The following CLCN3 variants were observed in gnomAD, a reference collection of about 807,000 sequenced individuals.
The protein encoded by CLCN3 is H(+)/Cl(-) exchange transporter 3.
A neutral mutation model predicts 83.4 loss-of-function variants in CLCN3; 16 were observed. The ratio of observed to expected loss-of-function variants is 0.19; its 90% CI spans 0.13 to 0.29. The LOEUF is 0.29. Among genes scored for constraint, CLCN3 ranks in the 10% least tolerant of loss-of-function variants. CLCN3 has a pLI of 1.00. For synonymous variants in CLCN3, 322 were observed against 346.2 expected (o/e 0.93, Z 0.78); for missense variants, 544 against 1,006.0 (o/e 0.54, Z 6.21).
chr4:169,625,270 A>G (rs1025453526), intron 1 of CLCN3, among the ~76,000 whole-genome samples: 1 of 151,986 alleles, frequency 6.6e-6, no homozygotes, highest in East Asian at 1.9e-4. Flanking sequence ...TCTTTCACCC[A>G]GTTTATATCC....
At chr4:169,644,055 C>G (rs1430499317) in intron 2 of CLCN3, among the ~76,000 whole-genome samples, 1 of 152,128 alleles carries the variant, frequency 6.6e-6, no homozygotes, top group African/African-American at 2.4e-5. Flanking sequence ...AAGTGCTTTT[C>G]CTCAGGACGG....
At chr4:169,636,716 A>C (rs1326751567) in intron 2 of CLCN3, among the ~76,000 whole-genome samples, 1 of 138,484 alleles carries the variant, frequency 7.2e-6, no homozygotes, top group African/African-American at 2.7e-5. Flanking sequence ...GTTATTCTAC[A>C]CTGATATTTC....
intron 1 of CLCN3, among the ~76,000 whole-genome samples, chr4:169,625,640 A>T (rs1773215696): frequency 6.6e-6 from 1 of 152,222 alleles, no homozygotes; most frequent in Non-Finnish European, 1.5e-5. Context: ...TGTGAGTTGC[A>T]GGAGACTGAA....
Position 169,692,325 on chromosome 4 carries a change from G to A in CLCN3, c.936+5G>A. ...AACGAAGCTAAAAAAAGGGAGGTAA[G>A]TGTCTTTTGTAGTTAATTTGACTGA... is the stretch of plus-strand genomic sequence containing the variant. On this transcript the variant is annotated splice_donor_5th_base_variant and intron_variant, in intron 7 of 12. Coordinates refer to ENST00000513761, the MANE Select transcript of CLCN3 (RefSeq NM_001829.4). 6.5e-7 allele frequency: 1 copy of A among 1,537,580 alleles called. No individual in the cohort carries two copies. The highest frequency in any genetic ancestry group is 9.0e-7 in the Non-Finnish European group (1 of 1,114,670).
At chr4:169,673,637 A>T (rs532209015) in intron 2 of CLCN3, among the ~76,000 whole-genome samples, 10 of 152,246 alleles carry the variant, frequency 6.6e-5, no homozygotes, top group African/African-American at 2.4e-4. Flanking sequence ...GAGAAGGGCA[A>T]TGTAGGAGGG....
intron 2 of CLCN3, among the ~76,000 whole-genome samples, chr4:169,658,223 A>T (rs1730942519): frequency 6.7e-6 from 1 of 148,720 alleles, no homozygotes; most frequent in Non-Finnish European, 1.5e-5. Context: ...ATTCTATACA[A>T]ATATAATTAT....
chr4:169,627,821 G>A (rs2150196939), intron 1 of CLCN3, among the ~76,000 whole-genome samples: 1 of 152,140 alleles, frequency 6.6e-6, no homozygotes, highest in East Asian at 1.9e-4. Flanking sequence ...ATATGGACAA[G>A]ATTATTCTAA....
Position 169,680,183 on chromosome 4 carries a change from T to C in CLCN3, c.294T>C (p.Cys98=). The change falls in exon 3 of 13, where the codon TGT becomes TGC. Residue 98 remains cysteine, a synonymous_variant. Coordinates refer to ENST00000513761, the MANE Select transcript of CLCN3 (RefSeq NM_001829.4). The part of the protein sequence containing the change: ...FHTIDWVREK[C]KDRERHRRIN... ...CTATTGATTGGGTGCGAGAAAAATG[T>C]AAAGACAGAGAAAGGCATAGACGGG... 6.2e-7 allele frequency: 1 copy of C among 1,613,910 alleles called. No individual in the cohort carries two copies. The highest frequency in any genetic ancestry group is 8.5e-7 in the Non-Finnish European group (1 of 1,179,856).
At chr4:169,709,720 T>A (rs927955852) in intron 11 of CLCN3, among the ~76,000 whole-genome samples, 1 of 151,886 alleles carries the variant, frequency 6.6e-6, no homozygotes. Flanking sequence ...ATGAAAACTG[T>A]AATGTTGTTC....
chr4:169,644,269 CTT>C (rs56979682), intron 2 of CLCN3, among the ~76,000 whole-genome samples: 9 of 135,928 alleles, frequency 6.6e-5, no homozygotes, highest in East Asian at 2.1e-4. Flanking sequence ...TTTTTTTTTT[CTT>C]TTTTTTTTTT....
At chr4:169,621,235 G>A (rs1290518005) in intron 1 of CLCN3, among the ~76,000 whole-genome samples, 172 bp downstream of exon 1, 1 of 152,176 alleles carries the variant, frequency 6.6e-6, no homozygotes, top group African/African-American at 2.4e-5. Context: ...TATACCCTCA[G>A]ACATTCTTTA....
intron 2 of CLCN3, among the ~76,000 whole-genome samples, chr4:169,672,862 A>C (rs1731530505): frequency 6.6e-6 from 1 of 151,852 alleles, no homozygotes; most frequent in Admixed American, 6.5e-5. Flanking sequence ...ACAGGGTTTC[A>C]CCATCTTGGC....
chr4:169,623,140 C>T (rs1773148189), intron 1 of CLCN3, among the ~76,000 whole-genome samples: 1 of 152,154 alleles, frequency 6.6e-6, no homozygotes, highest in Non-Finnish European at 1.5e-5. Context: ...ATATTTCTTG[C>T]TATTTCTTGT....
chr4:169,700,414 C>T (rs1386125581), intron 9 of CLCN3, among the ~76,000 whole-genome samples: 1 of 152,064 alleles, frequency 6.6e-6, no homozygotes, highest in Non-Finnish European at 1.5e-5. Flanking sequence ...TGGGCCATCA[C>T]ACCCGGCTAA....
At chr4:169,668,339 A>AC (rs1199022658) in intron 2 of CLCN3, among the ~76,000 whole-genome samples, 1 of 151,962 alleles carries the variant, frequency 6.6e-6, no homozygotes, top group African/African-American at 2.4e-5. Flanking sequence ...AATTTTAAAT[A>AC]CCCAAATATT....
intron 9 of CLCN3, among the ~76,000 whole-genome samples, chr4:169,700,694 G>T (rs1732752185): frequency 6.6e-6 from 1 of 152,000 alleles, no homozygotes. Flanking sequence ...GAGAGATATA[G>T]GTTCAGTTCA....
intron 12 of CLCN3, among the ~76,000 whole-genome samples, chr4:169,714,850 G>A (rs1330695656): frequency 6.6e-6 from 1 of 152,074 alleles, no homozygotes; most frequent in Non-Finnish European, 1.5e-5. Flanking sequence ...GAGAAGAGAT[G>A]TATTCATAAG....
Position 169,707,139 on chromosome 4 carries a change from T to C in CLCN3, c.2022T>C (p.Asn674=), listed in dbSNP as rs1733026007. ...DPPLAVLTQD[N]MTVDDIENMI... is the part of the protein sequence containing the mutation. ...CCTTAGCTGTCCTGACACAGGACAATATGACAGTGGATGATATAGAAAACA... is the reference window on the plus strand; with the variant it reads ...CCTTAGCTGTCCTGACACAGGACAACATGACAGTGGATGATATAGAAAACA... Residue 674 remains asparagine (N), a synonymous_variant, in exon 11 of 13, where the codon AAT becomes AAC. Transcript: ENST00000513761. 1.2e-6 allele frequency: 2 copies of C among 1,613,992 alleles called. No homozygotes were observed. Among genetic ancestry groups the C allele is most frequent in the Non-Finnish European group, 8.5e-7 (1 of 1,179,868 alleles).
At chr4:169,642,238 A>T (rs1485042454) in intron 2 of CLCN3, among the ~76,000 whole-genome samples, 1 of 152,046 alleles carries the variant, frequency 6.6e-6, no homozygotes, top group Non-Finnish European at 1.5e-5. Flanking sequence ...CCGATTTACC[A>T]GTATACTTCT....
Sources: gnomAD v4.1 joint callset for allele counts (sites outside exome capture counted in the v4.1 genomes callset) on GRCh38, gnomAD v4.1.1 for gene constraint, MANE v1.5 for transcripts, NCBI Gene and HGNC (gene_info 2026-07-23, HGNC 2026-07-21) for gene names.